The following CREBBP variants were observed in gnomAD, a reference collection of about 807,000 sequenced individuals.
The protein encoded by CREBBP is CREB-binding protein.
Under a neutral mutation model 265.0 loss-of-function variants are expected in CREBBP, and 19 were observed. That is an observed-to-expected ratio of 0.07 (90% CI 0.05 to 0.11). The LOEUF (loss-of-function observed/expected upper bound fraction) is 0.11, where lower values mean the gene tolerates loss of function less well. Ranked by LOEUF, CREBBP falls within the 10% of genes least tolerant of loss-of-function variation. The pLI, the probability that CREBBP is intolerant of heterozygous loss-of-function variation, is 1.00. For missense variants in CREBBP, 2,525 were observed against 3,219.0 expected, an observed-to-expected ratio of 0.78 and a Z score of 5.22; for synonymous variants, 1,457 against 1,223.7, an observed-to-expected ratio of 1.19 and a Z score of -3.98.
rs546778559 is a variant in CREBBP, at chr16:3,762,173, G to A, written c.3251-3201C>T. 8.5e-5 allele frequency among the ~76,000 whole-genome samples: 13 copies of A among 152,246 alleles called. No homozygotes were observed. The East Asian group carries it at 2.5e-3, about 29-fold the overall frequency. On this transcript the variant is annotated intron_variant, in intron 16 of 30. Coordinates refer to ENST00000262367, the MANE Select transcript of CREBBP (RefSeq NM_004380.3). ...GCAGCACTGAGGAGTGGTAACAGAG[G>A]CCTCAGGACGCACAAAGCCCACAGC...
chr16:3,815,616 C>T (rs894245591), intron 2 of CREBBP, among the ~76,000 whole-genome samples: 16 of 141,504 alleles, frequency 1.1e-4, no homozygotes, highest in African/African-American at 4.0e-4. Context: ...TGGTTTAATG[C>T]TGCTAGAGAA....
intron 28 of CREBBP, among the ~76,000 whole-genome samples, chr16:3,732,157 G>A (rs1014298094): frequency 5.9e-5 from 9 of 152,212 alleles, no homozygotes; most frequent in African/African-American, 1.9e-4. Context: ...TCAGCTTTAT[G>A]CCACGCTGCC....
chr16:3,839,239 C>A (rs765050383), intron 2 of CREBBP, among the ~76,000 whole-genome samples: 2 of 152,210 alleles, frequency 1.3e-5, no homozygotes, highest in Non-Finnish European at 2.9e-5. Flanking sequence ...CCACGCCAGG[C>A]TTGAAAGCAA....
chr16:3,770,036 A>G (rs952008515), intron 14 of CREBBP, among the ~76,000 whole-genome samples: 5 of 152,052 alleles, frequency 3.3e-5, no homozygotes, highest in African/African-American at 1.2e-4. Flanking sequence ...ATGCCCGGCT[A>G]ATTTTTATAT....
chr16:3,740,360 G>A (rs769014218), intron 24 of CREBBP, 39 bp downstream of exon 24: 2 of 1,612,128 alleles, frequency 1.2e-6, no homozygotes, highest in East Asian at 4.5e-5. Flanking sequence ...CGGGCGTGGG[G>A]ACTGCTCGCA....
chr16:3,869,891 T>G (rs1298541216), intron 1 of CREBBP, among the ~76,000 whole-genome samples: 1 of 152,244 alleles, frequency 6.6e-6, no homozygotes, highest in Non-Finnish European at 1.5e-5. Context: ...TTGATTCTCT[T>G]GCCATCATTC....
intron 24 of CREBBP, 73 bp downstream of exon 24, chr16:3,740,326 T>C (rs979069739): frequency 1.3e-6 from 2 of 1,583,506 alleles, no homozygotes. Flanking sequence ...CTCAAGAGCT[T>C]TGCAGAGAGC....
In CREBBP at chr16:3,757,827, T is replaced by C; in HGVS notation, c.3591A>G (p.Gly1197=). 1 of 1,614,168 alleles carries C rather than the reference T, an allele frequency of 6.2e-7. No homozygotes were observed. The highest frequency in any genetic ancestry group is 8.5e-7 in the Non-Finnish European group (1 of 1,180,036). ...ACTGTACCTTGCGTCCACAGCAATA[T>C]CCAAGGGACTGCATGACAGGGTCAA... The part of the protein sequence containing the change: ...QEIDPVMQSL[G]YCCGRKYEFS... Residue 1197 remains glycine, a synonymous_variant, in exon 18 of 31, where the codon GGA becomes GGG. Transcript: ENST00000262367.
intron 21 of CREBBP, among the ~76,000 whole-genome samples, chr16:3,748,834 C>G (rs2052407825): frequency 6.6e-6 from 1 of 152,182 alleles, no homozygotes; most frequent in Non-Finnish European, 1.5e-5. Context: ...GCAGCACTCT[C>G]ACTCATCACT....
chr16:3,761,495 G>C (rs557578782), intron 16 of CREBBP: 40 of 515,362 alleles, frequency 7.8e-5, no homozygotes, highest in Non-Finnish European at 1.2e-4. Flanking sequence ...TGTTTAACAG[G>C]CTCACTTTAG....
intron 1 of CREBBP, among the ~76,000 whole-genome samples, chr16:3,851,288 C>CAAA: frequency 4.4e-5 from 1 of 22,864 alleles, no homozygotes; most frequent in South Asian, 1.4e-3. Flanking sequence ...AACACCGTCT[C>CAAA]AAAAAAAAAA....
chr16:3,829,797 G>C (rs1183613617), intron 2 of CREBBP, among the ~76,000 whole-genome samples: 3 of 152,082 alleles, frequency 2.0e-5, no homozygotes, highest in Non-Finnish European at 4.4e-5. Flanking sequence ...ACATGCCAAG[G>C]AGCAGGAAGA....
intron 1 of CREBBP, among the ~76,000 whole-genome samples, chr16:3,859,902 C>A (rs944403893): frequency 6.6e-6 from 1 of 152,152 alleles, no homozygotes; most frequent in African/African-American, 2.4e-5. Context: ...AACATGTTTC[C>A]TTGAGCTCTG....
At chr16:3,865,225 T>C (rs1378124012) in intron 1 of CREBBP, among the ~76,000 whole-genome samples, 1 of 152,240 alleles carries the variant, frequency 6.6e-6, no homozygotes, top group Non-Finnish European at 1.5e-5. Context: ...TCTATTTCTA[T>C]GAATCTGTTC....
intron 30 of CREBBP, among the ~76,000 whole-genome samples, chr16:3,730,081 ATCATGGACAACATGG>A (rs1169440935): frequency 7.2e-6 from 1 of 138,890 alleles, no homozygotes; most frequent in African/African-American, 3.4e-5. Context: ...ACGGGATGGG[ATCATGGACAACATGG>A]GATCATGGAC....
intron 5 of CREBBP, among the ~76,000 whole-genome samples, chr16:3,790,366 C>A (rs1320090883): frequency 1.5e-5 from 1 of 66,588 alleles, no homozygotes; most frequent in Non-Finnish European, 2.7e-5. Flanking sequence ...AGGAAACTGG[C>A]TTTTTTTTTT....
intron 2 of CREBBP, among the ~76,000 whole-genome samples, chr16:3,845,989 A>G (rs931189019): frequency 1.6e-4 from 25 of 152,182 alleles, no homozygotes; most frequent in Admixed American, 1.6e-3. Context: ...GTGACATAAA[A>G]CCTAAAAGCC....
At chr16:3,837,481 C>T (rs1045422632) in intron 2 of CREBBP, among the ~76,000 whole-genome samples, 4 of 151,564 alleles carry the variant, frequency 2.6e-5, no homozygotes, top group Non-Finnish European at 4.4e-5. Flanking sequence ...GTGGGCGTGG[C>T]GGCATGCACC....
chr16:3,835,000 T>C (rs1310290171), intron 2 of CREBBP, among the ~76,000 whole-genome samples: 2 of 151,624 alleles, frequency 1.3e-5, no homozygotes. Flanking sequence ...CTAGTAAAAA[T>C]ACAAAAAATT....
Sources: gnomAD v4.1 joint callset for allele counts (sites outside exome capture counted in the v4.1 genomes callset) on GRCh38, gnomAD v4.1.1 for gene constraint, MANE v1.5 for transcripts, NCBI Gene and HGNC (gene_info 2026-07-23, HGNC 2026-07-21) for gene names.